SLC24A2: variants seen among roughly 807,000 people sequenced by gnomAD.
The protein encoded by SLC24A2 is sodium/potassium/calcium exchanger 2.
A neutral mutation model predicts 62.0 loss-of-function variants in SLC24A2; 36 were observed. The observed-to-expected ratio is 0.58, with a 90% CI of 0.44 to 0.77. The LOEUF (loss-of-function observed/expected upper bound fraction) is 0.77. SLC24A2 is among the 30% of genes least tolerant of loss of function. The pLI, the probability that SLC24A2 is intolerant of heterozygous loss-of-function variation, is 0.00. For missense variants in SLC24A2, 846 were observed against 817.9 expected, an observed-to-expected ratio of 1.03 and a Z score of -0.42; for synonymous variants, 358 against 294.0, an observed-to-expected ratio of 1.22 and a Z score of -2.23.
chr9:20,021,875 C>A, the SLC24A2 span, among the ~76,000 whole-genome samples: 4 of 152,120 alleles, frequency 2.6e-5, no homozygotes, highest in Non-Finnish European at 5.9e-5. Context: ...CAGAGCAGCC[C>A]ATGCCCAGCT....
intron 7 of SLC24A2, among the ~76,000 whole-genome samples, chr9:19,555,347 C>CTTAGAAATAA (rs1835031407): frequency 6.6e-6 from 1 of 152,124 alleles, no homozygotes; most frequent in African/African-American, 2.4e-5. Flanking sequence ...CTTAGAAATA[C>CTTAGAAATAA]TATGAGTCAT....
the SLC24A2 span, among the ~76,000 whole-genome samples, chr9:20,145,860 T>C: frequency 2.0e-5 from 3 of 152,044 alleles, no homozygotes; most frequent in South Asian, 4.2e-4. Flanking sequence ...TTCACAAAGA[T>C]GGGATTCTGC....
At chr9:20,103,970 A>G in the SLC24A2 span, among the ~76,000 whole-genome samples, 68 of 152,324 alleles carry the variant, frequency 4.5e-4, no homozygotes, top group African/African-American at 1.6e-3. Context: ...AGAAGAATGT[A>G]TAACTAGAAT....
the SLC24A2 span, among the ~76,000 whole-genome samples, chr9:20,260,987 C>T: frequency 5.3e-5 from 8 of 151,760 alleles, no homozygotes; most frequent in African/African-American, 1.7e-4. Flanking sequence ...TCTCGAGTAC[C>T]TGGGACTACA....
the SLC24A2 span, among the ~76,000 whole-genome samples, chr9:19,913,700 A>G: frequency 6.6e-6 from 1 of 152,054 alleles, no homozygotes; most frequent in Admixed American, 6.6e-5. Context: ...ACAATTTGAA[A>G]ACCTACTTTA....
At chr9:19,695,439 AAAC>A (rs770042424) in intron 2 of SLC24A2, among the ~76,000 whole-genome samples, 1 of 152,102 alleles carries the variant, frequency 6.6e-6, no homozygotes, top group East Asian at 1.9e-4. Context: ...AACATCAACC[AAAC>A]AACTGAATAA....
chr9:20,002,002 T>G, the SLC24A2 span, among the ~76,000 whole-genome samples: 3 of 152,194 alleles, frequency 2.0e-5, no homozygotes. Context: ...AATTTATTTA[T>G]TGATAGAATT....
chr9:20,021,526 C>A, the SLC24A2 span, among the ~76,000 whole-genome samples: 1 of 151,988 alleles, frequency 6.6e-6, no homozygotes, highest in Non-Finnish European at 1.5e-5. Context: ...CCCTGGAATA[C>A]TTTCCATGGG....
At chr9:19,629,867 G>C (rs1447093320) in intron 2 of SLC24A2, among the ~76,000 whole-genome samples, 1 of 152,170 alleles carries the variant, frequency 6.6e-6, no homozygotes, top group Non-Finnish European at 1.5e-5. Context: ...CAGTGGGAGA[G>C]TGTGAATGGC....
At chr9:19,676,560 C>T (rs1236418798) in intron 2 of SLC24A2, among the ~76,000 whole-genome samples, 1 of 151,970 alleles carries the variant, frequency 6.6e-6, no homozygotes, top group Non-Finnish European at 1.5e-5. Context: ...CACTTTTTTT[C>T]CACATGTGTA....
At chr9:20,057,953 C>T in the SLC24A2 span, among the ~76,000 whole-genome samples, 1 of 152,096 alleles carries the variant, frequency 6.6e-6, no homozygotes, top group African/African-American at 2.4e-5. Context: ...TGTTATTTTC[C>T]ATTGGATTTT....
chr9:19,542,206 C>G (rs1232340544), intron 8 of SLC24A2, among the ~76,000 whole-genome samples: 1 of 152,140 alleles, frequency 6.6e-6, no homozygotes, highest in Non-Finnish European at 1.5e-5. Context: ...GGAGCTGTTC[C>G]TATTCGGCCA....
the SLC24A2 span, among the ~76,000 whole-genome samples, chr9:19,838,667 T>C: frequency 6.6e-6 from 1 of 151,994 alleles, no homozygotes; most frequent in African/African-American, 2.4e-5. Context: ...AAAAGTGTTT[T>C]GTTATTTTCA....
chr9:19,550,824 T>C (rs979672377), intron 7 of SLC24A2, among the ~76,000 whole-genome samples: 2 of 151,874 alleles, frequency 1.3e-5, no homozygotes, highest in African/African-American at 4.8e-5. Context: ...GCTAAGTGCA[T>C]TGATTTTTGT....
the SLC24A2 span, among the ~76,000 whole-genome samples, chr9:20,102,977 C>T: frequency 8.5e-3 from 1,300 of 152,294 alleles, 16 homozygotes; most frequent in African/African-American, 0.029. Context: ...ACCTGGAAAA[C>T]TGGGTCACTC....
chr9:19,802,395 T>G, the SLC24A2 span, among the ~76,000 whole-genome samples: 2 of 152,220 alleles, frequency 1.3e-5, no homozygotes, highest in African/African-American at 2.4e-5. Context: ...GGTCTTATAA[T>G]ATACTGAATA....
intron 2 of SLC24A2, among the ~76,000 whole-genome samples, chr9:19,760,635 T>C (rs951937692): frequency 2.0e-5 from 3 of 151,778 alleles, no homozygotes; most frequent in Non-Finnish European, 2.9e-5. Context: ...TCTGTTCTGG[T>C]GTTAGTTTGC....
chr9:20,133,668 CTATT>C, the SLC24A2 span, among the ~76,000 whole-genome samples: 1 of 152,140 alleles, frequency 6.6e-6, no homozygotes, highest in East Asian at 1.9e-4. Context: ...CATTATTTCT[CTATT>C]TATTGGTATA....
intron 2 of SLC24A2, among the ~76,000 whole-genome samples, chr9:19,777,055 A>AACAAAT (rs1408485999): frequency 6.6e-6 from 1 of 152,178 alleles, no homozygotes; most frequent in Admixed American, 6.5e-5. Flanking sequence ...CAAAAACAAA[A>AACAAAT]ACAAAACCTG....
Sources: allele counts gnomAD v4.1 joint callset (sites outside exome capture counted in the v4.1 genomes callset), GRCh38; gene constraint gnomAD v4.1.1; transcripts MANE v1.5; gene names NCBI Gene and HGNC (gene_info 2026-07-23, HGNC 2026-07-21).